The following FN1 variants were observed in gnomAD, a reference collection of about 807,000 sequenced individuals.
FN1 encodes the protein fibronectin 1.
A neutral mutation model predicts 297.3 loss-of-function variants in FN1; 106 were observed. That is an observed-to-expected ratio of 0.36 (90% confidence interval 0.30 to 0.42). The LOEUF (loss-of-function observed/expected upper bound fraction) is 0.42. Among genes scored for constraint, FN1 ranks in the 10% least tolerant of loss-of-function variants. The probability of loss-of-function intolerance (pLI) is 1.00; values close to 1 mark genes in which losing one functional copy is unlikely to be tolerated. For missense variants in FN1, 2,690 were observed against 3,124.9 expected (o/e 0.86, Z 3.32); for synonymous variants, 1,149 against 1,152.6 (o/e 1.00, Z 0.06).
Position 215,384,713 on chromosome 2 carries a change from T to G in FN1, c.4729+147A>C, listed in dbSNP as rs1015987905. 1.5e-5 allele frequency: 10 copies of G among 659,850 alleles called. No homozygotes were observed. The Admixed American group carries it at 1.5e-4, about 10-fold the overall frequency. 40.9% of individuals were successfully genotyped at this position (659,850 alleles called of 1,614,324 possible). On this transcript the variant is annotated intron_variant, in intron 29 of 45. Transcript: ENST00000354785. ...TTTAGAACAAATTATATCATCTATA[T>G]CTTACGTATTTTCTTGGAAAAAACA...
At chr2:215,429,018 C>G (rs1193116030) in intron 5 of FN1, among the ~76,000 whole-genome samples, 1 of 147,012 alleles carries the variant, frequency 6.8e-6, no homozygotes, top group Non-Finnish European at 1.5e-5. Context: ...GTCTCAAAAA[C>G]AAAACAAAAC....
In FN1 at chr2:215,364,993, T is replaced by G; in HGVS notation, c.7145-8A>C. 1 of 1,530,042 alleles carries G rather than the reference T, an allele frequency of 6.5e-7. No homozygotes were observed. Among genetic ancestry groups the G allele is most frequent in the Non-Finnish European group, 8.9e-7 (1 of 1,121,260 alleles). The allele number at this position is 1,530,042 out of a possible 1,614,324, so 94.8% of individuals were successfully genotyped here. ...CATAACACGTTGCCTCATCTGCATA[T>G]AGACACAAGACAGATGCACGCATAA... is the stretch of plus-strand genomic sequence containing the variant. On this transcript the variant is annotated splice_region_variant and splice_polypyrimidine_tract_variant and intron_variant, in intron 43 of 45. Coordinates refer to ENST00000354785, the MANE Select transcript of FN1 (RefSeq NM_212482.4).
At position 215,420,700 on chromosome 2, in the gene FN1, G is replaced by A. The variant is rs765378486; in HGVS notation, c.1648C>T (p.Arg550Trp). ...MLNCTCFGQGRGRWKCDPVDQ... is the reference protein window; with the variant it reads ...MLNCTCFGQGWGRWKCDPVDQ... ...ACGGGATCACACTTCCACCTGCCCCGACCCTGACCGAAGCATGTACAGTTC... is the reference window on the plus strand; with the variant it reads ...ACGGGATCACACTTCCACCTGCCCCAACCCTGACCGAAGCATGTACAGTTC... Residue 550 changes from arginine (R) to tryptophan (W), a missense_variant, in exon 11 of 46, where the codon CGG becomes TGG. Arg to Trp is a moderately radical substitution (Grantham distance 101, BLOSUM62 -3). This residue lies in a region of FN1 where 876 missense variants were observed against 1,058.1 expected (regional missense o/e 0.83). Coordinates refer to ENST00000354785, the MANE Select transcript of FN1 (RefSeq NM_212482.4). The A allele has an allele frequency of 7.4e-6, 12 of 1,613,922 alleles. No homozygotes were observed. The highest frequency in any genetic ancestry group is 2.2e-5 in the South Asian group (2 of 91,066).
intron 6 of FN1, among the ~76,000 whole-genome samples, chr2:215,427,231 C>G (rs1245014740): frequency 6.6e-6 from 1 of 152,082 alleles, no homozygotes; most frequent in East Asian, 1.9e-4. Flanking sequence ...TAAAATAACT[C>G]AAAGATATTA....
intron 28 of FN1, among the ~76,000 whole-genome samples, chr2:215,385,484 C>T (rs2058813888): frequency 1.3e-5 from 2 of 150,362 alleles, no homozygotes; most frequent in African/African-American, 2.4e-5. Context: ...ATTGCTCGAG[C>T]CTGGGAGGCA....
At chr2:215,420,943 A>T (rs1283566556) in intron 10 of FN1, 142 bp from the exon 11 acceptor site, 14 of 861,234 alleles carry the variant, frequency 1.6e-5, no homozygotes, top group Non-Finnish European at 2.5e-5. Flanking sequence ...ACAAGCATAG[A>T]ATAACATTTT....
rs552608994 is a variant in FN1, at chr2:215,407,523, C to T, written c.2519-202G>A. 1.2e-4 allele frequency among the ~76,000 whole-genome samples: 19 copies of T among 152,234 alleles called. 2 individuals carry two copies. The highest frequency in any genetic ancestry group is 4.1e-4 in the South Asian group (2 of 4,820). On this transcript the variant is annotated intron_variant, in intron 17 of 45. Coordinates refer to ENST00000354785, the MANE Select transcript of FN1 (RefSeq NM_212482.4). ...CGAAGATAAAATAAGAACAGTCATGCGAACCTTTTTAATAATAAATGTCAT... is the reference window on the plus strand; with the variant it reads ...CGAAGATAAAATAAGAACAGTCATGTGAACCTTTTTAATAATAAATGTCAT...
chr2:215,393,080 T>TTGAA lies in FN1; in HGVS notation c.3919_3920insTTCA (p.Glu1307ValfsTer8). ...AAAATCTTCAAAAATAGGGATACCT[T>TTGAA]CTCCTGCCGCAACTACTGTGATGCG... On this transcript the variant is annotated frameshift_variant, in exon 25 of 46. Transcript: ENST00000354785. LOFTEE classifies it high-confidence loss of function. 1 of 1,614,014 alleles carries TTGAA rather than the reference T, an allele frequency of 6.2e-7. No homozygotes were observed. Among genetic ancestry groups the TTGAA allele is most frequent in the Non-Finnish European group, 8.5e-7 (1 of 1,180,006 alleles).
intron 40 of FN1, among the ~76,000 whole-genome samples, chr2:215,370,698 T>C (rs2055829808): frequency 6.6e-6 from 1 of 151,942 alleles, no homozygotes; most frequent in Non-Finnish European, 1.5e-5. Flanking sequence ...CCCTCGACAA[T>C]ACTAGAGACG....
intron 18 of FN1, among the ~76,000 whole-genome samples, 172 bp downstream of exon 18, chr2:215,406,955 T>C (rs913433120): frequency 1.3e-5 from 2 of 152,204 alleles, no homozygotes; most frequent in South Asian, 2.1e-4. Flanking sequence ...GAAAGGCCAG[T>C]AGCCAGCTTT....
chr2:215,391,276 A>C (rs571190234), intron 26 of FN1, among the ~76,000 whole-genome samples: 75 of 152,318 alleles, frequency 4.9e-4, no homozygotes, highest in African/African-American at 1.5e-3. Context: ...ATATGGTGAC[A>C]CTATTTTCAG....
chr2:215,428,033 A>T, intron 6 of FN1, 147 bp downstream of exon 6: 1 of 984,356 alleles, frequency 1.0e-6, no homozygotes, highest in South Asian at 1.5e-5. Context: ...AAAAGTTTTA[A>T]CAACCAATAA....
At position 215,379,169 on chromosome 2, in the gene FN1, A is replaced by C. The variant is rs1173323965; in HGVS notation, c.5583T>G (p.Leu1861=). 4 of 1,613,966 alleles carry C rather than the reference A, an allele frequency of 2.5e-6. No homozygotes were observed. Among genetic ancestry groups the C allele is most frequent in the Non-Finnish European group, 2.5e-6 (3 of 1,180,012 alleles). Residue 1861 remains leucine, a synonymous_variant, in exon 34 of 46, where the codon CTT becomes CTG. Coordinates refer to ENST00000354785, the MANE Select transcript of FN1 (RefSeq NM_212482.4). ...EKTGPMKEIN[L]APDSSSVVVS... The stretch of plus-strand genomic sequence containing the variant: ...CAACCACGGATGAGCTGTCAGGAGC[A>C]AGGTTGATTTCTTTCATTGGTCCGG...
At chr2:215,385,300 G>A (rs186009861) in intron 28 of FN1, among the ~76,000 whole-genome samples, 7 of 146,192 alleles carry the variant, frequency 4.8e-5, no homozygotes, top group East Asian at 2.0e-4. Flanking sequence ...GGTGGCTCAC[G>A]CCTGTAATCC....
Position 215,386,694 on chromosome 2 carries a change from G to T in FN1, c.4607C>A (p.Ser1536Ter). 1 of 1,588,038 alleles carries T rather than the reference G, an allele frequency of 6.3e-7. No individual in the cohort carries two copies. Among genetic ancestry groups the T allele is most frequent in the Non-Finnish European group, 8.6e-7 (1 of 1,166,010 alleles). ...EESPLLIGQQ[S>*]TVSDVPRDLE... ...TTGCAGACAAGAAAAGTTACCTGTT[G>T]ATTGTTGGCCAATCAATAAGGGACT... Residue 1536 changes from serine (S) to a stop codon, truncating the protein, a stop_gained, in exon 28 of 46, where the codon TCA becomes TAA. Coordinates refer to ENST00000354785, the MANE Select transcript of FN1 (RefSeq NM_212482.4). LOFTEE classifies it high-confidence loss of function.
chr2:215,409,553 T>A lies in FN1; in HGVS notation c.2299+10A>T, dbSNP rs755472648. The A allele has an allele frequency of 5.6e-6, 9 of 1,612,466 alleles. No individual in the cohort carries two copies. The highest frequency in any genetic ancestry group is 6.8e-6 in the Non-Finnish European group (8 of 1,179,684). On this transcript the variant is annotated intron_variant, in intron 15 of 45. Coordinates refer to ENST00000354785, the MANE Select transcript of FN1 (RefSeq NM_212482.4). ...CCCTGAACCTGTCTTGAGCGACATATTGAGCTTACCCAGGTACTGTGGCTC... is the reference window on the plus strand; with the variant it reads ...CCCTGAACCTGTCTTGAGCGACATAATGAGCTTACCCAGGTACTGTGGCTC...
chr2:215,399,181 C>A (rs560340970), intron 21 of FN1, 76 bp downstream of exon 21: 12 of 1,100,934 alleles, frequency 1.1e-5, no homozygotes, highest in Middle Eastern at 2.1e-4. Context: ...CTCCTGAGCA[C>A]CCTGTTTCCA....
chr2:215,376,328 A>G (rs1278081291), intron 36 of FN1, among the ~76,000 whole-genome samples, 170 bp downstream of exon 36: 1 of 152,230 alleles, frequency 6.6e-6, no homozygotes, highest in Non-Finnish European at 1.5e-5. Flanking sequence ...TCAGGCATTC[A>G]AAGGACAAAA....
In FN1 at chr2:215,394,534, T is replaced by C. The variant is rs748649230; in HGVS notation, c.3790A>G (p.Ile1264Val). ...KESVPISDTI[I>V]PEVPQLTDLS... The stretch of plus-strand genomic sequence containing the variant: ...CAGCTTATTTTTCTATTACCTGGGA[T>C]GATGGTATCAGAGATAGGGACACTT... The change falls in exon 24 of 46, where the codon ATC (isoleucine) becomes GTC (valine). Residue 1264 changes from isoleucine to valine, a missense_variant. Transcript: ENST00000354785. The C allele has an allele frequency of 6.2e-7, 1 of 1,612,472 alleles. No individual in the cohort carries two copies. Among genetic ancestry groups the C allele is most frequent in the Non-Finnish European group, 8.5e-7 (1 of 1,178,660 alleles).
Sources: gnomAD v4.1 joint callset for allele counts (sites outside exome capture counted in the v4.1 genomes callset) on GRCh38, gnomAD v4.1.1 for gene constraint, gnomAD v4.1.1 regional missense constraint, MANE v1.5 for transcripts, NCBI Gene and HGNC (gene_info 2026-07-23, HGNC 2026-07-21) for gene names.